Variants in DACH1 observed in about 807,000 individuals in gnomAD.
DACH1 encodes dachshund homolog 1.
DACH1 carries 12 observed loss-of-function variants against 54.2 expected under a neutral mutation model. The observed-to-expected ratio is 0.22, with a 90% CI of 0.14 to 0.36. The LOEUF is 0.36. Among genes scored for constraint, DACH1 ranks in the 10% least tolerant of loss-of-function variants. The probability of loss-of-function intolerance (pLI) is 1.00; values close to 1 mark genes in which losing one functional copy is unlikely to be tolerated. For missense variants in DACH1, 805 were observed against 929.8 expected (o/e 0.87, Z 1.75); for synonymous variants, 386 against 366.2 (o/e 1.05, Z -0.62).
chr13:71,726,746 G>A (rs775842526), intron 1 of DACH1, among the ~76,000 whole-genome samples: 2 of 151,804 alleles, frequency 1.3e-5, no homozygotes, highest in Non-Finnish European at 2.9e-5. Context: ...CAATGGTTAG[G>A]AAGACTTTAT....
intron 10 of DACH1, among the ~76,000 whole-genome samples, chr13:71,451,035 A>C (rs1016585264): frequency 6.6e-6 from 1 of 152,114 alleles, no homozygotes; most frequent in Admixed American, 6.5e-5. Context: ...AGCAAAATTA[A>C]CAAAAAATTA....
intron 5 of DACH1, among the ~76,000 whole-genome samples, chr13:71,558,662 G>C (rs932943482): frequency 1.3e-5 from 2 of 151,812 alleles, no homozygotes; most frequent in African/African-American, 2.4e-5. Flanking sequence ...TTTGAAAACT[G>C]TTTTAAAATT....
At chr13:71,483,060 C>T (rs1878185643) in intron 7 of DACH1, among the ~76,000 whole-genome samples, 1 of 151,896 alleles carries the variant, frequency 6.6e-6, no homozygotes, top group Non-Finnish European at 1.5e-5. Flanking sequence ...ACCTCAGCAT[C>T]CCAAAGTGCT....
At chr13:71,686,642 T>C (rs1025840409) in intron 1 of DACH1, among the ~76,000 whole-genome samples, 2 of 152,238 alleles carry the variant, frequency 1.3e-5, no homozygotes, top group Non-Finnish European at 2.9e-5. Context: ...TTTGTGGACA[T>C]CATCTTTTGT....
At chr13:71,510,851 C>T (rs1217976590) in intron 6 of DACH1, among the ~76,000 whole-genome samples, 1 of 151,774 alleles carries the variant, frequency 6.6e-6, no homozygotes, top group African/African-American at 2.4e-5. Context: ...ACTTTTATCT[C>T]TATACTAGAT....
At chr13:71,647,569 T>C (rs983064868) in intron 2 of DACH1, among the ~76,000 whole-genome samples, 3 of 152,202 alleles carry the variant, frequency 2.0e-5, no homozygotes, top group Admixed American at 2.0e-4. Context: ...AGGCTCTAAC[T>C]GGTCAAACTG....
At chr13:71,749,699 A>T (rs568539934) in intron 1 of DACH1, among the ~76,000 whole-genome samples, 91 of 152,350 alleles carry the variant, frequency 6.0e-4, no homozygotes, top group Admixed American at 9.2e-4. Flanking sequence ...AAATGTTAAT[A>T]TTGTAGAGAG....
At chr13:71,499,885 T>C (rs1454951032) in intron 6 of DACH1, among the ~76,000 whole-genome samples, 2 of 152,120 alleles carry the variant, frequency 1.3e-5, no homozygotes, top group African/African-American at 4.8e-5. Context: ...CACTCCCTTT[T>C]AAAACAAATT....
At chr13:71,494,032 T>C (rs895967963) in intron 6 of DACH1, among the ~76,000 whole-genome samples, 1 of 152,128 alleles carries the variant, frequency 6.6e-6, no homozygotes, top group African/African-American at 2.4e-5. Flanking sequence ...GCACTCCCAA[T>C]ACCTTTGATG....
rs777988022 is a variant in DACH1, at chr13:71,748,962, TTCTCTC to T, written c.849-67058_849-67053del. On this transcript the variant is annotated intron_variant, in intron 1 of 10. Transcript: ENST00000613252. ...TTTCTTTCTTTCTTTCTCTCTTTCT[TTCTCTC>T]TCTCTCTTTCTTCTTTCCTTTTATT... Among the ~76,000 whole-genome samples, 10 of 66,982 alleles carry T rather than the reference TTCTCTC, an allele frequency of 1.5e-4. 1 individual carries two copies. The highest frequency in any genetic ancestry group is 3.1e-4 in the Admixed American group (2 of 6,498). The allele number at this position is 66,982 out of a possible 152,430, so 43.9% of individuals were successfully genotyped here.
chr13:71,703,568 A>G (rs1882272643), intron 1 of DACH1, among the ~76,000 whole-genome samples: 1 of 152,236 alleles, frequency 6.6e-6, no homozygotes, highest in Non-Finnish European at 1.5e-5. Flanking sequence ...CATAAATAAC[A>G]TAATTATTTT....
rs536744724 is a variant in DACH1 at position 71,512,668 on chromosome 13, C to A, written c.1571-23520G>T. On this transcript the variant is annotated intron_variant, in intron 6 of 10. Coordinates refer to ENST00000613252, the MANE Select transcript of DACH1 (RefSeq NM_080759.6). ...TGTCAGATCCTGAACATATCAAACT[C>A]CTGTATGAATAAATGTTAATGTATT... Among the ~76,000 whole-genome samples, 46 of 151,930 alleles carry A rather than the reference C, an allele frequency of 3.0e-4. 2 individuals carry two copies. In the South Asian group the frequency reaches 9.3e-3, roughly 31 times the overall value.
intron 1 of DACH1, among the ~76,000 whole-genome samples, chr13:71,790,307 C>T (rs1425939787): frequency 6.6e-6 from 1 of 152,032 alleles, no homozygotes; most frequent in African/African-American, 2.4e-5. Context: ...TTGCTTAATG[C>T]ATGATAGTTT....
chr13:71,658,531 T>G (rs1566412378), intron 2 of DACH1, among the ~76,000 whole-genome samples: 1 of 152,008 alleles, frequency 6.6e-6, no homozygotes, highest in Non-Finnish European at 1.5e-5. Flanking sequence ...GCCTGGGCAA[T>G]AAGAGCGAAA....
intron 1 of DACH1, among the ~76,000 whole-genome samples, chr13:71,829,201 C>A (rs1292500772): frequency 6.6e-6 from 1 of 151,840 alleles, no homozygotes; most frequent in Non-Finnish European, 1.5e-5. Context: ...TCTCCATCTA[C>A]AAATCACATA....
chr13:71,705,235 C>G (rs1882376586), intron 1 of DACH1, among the ~76,000 whole-genome samples: 1 of 152,168 alleles, frequency 6.6e-6, no homozygotes, highest in South Asian at 2.1e-4. Flanking sequence ...CTTCGTTTTC[C>G]TCTAGTAATA....
At chr13:71,807,086 C>T (rs1887532812) in intron 1 of DACH1, among the ~76,000 whole-genome samples, 1 of 152,116 alleles carries the variant, frequency 6.6e-6, no homozygotes. Context: ...GAACTTCTGG[C>T]ACTTTGCAGT....
chr13:71,766,063 T>G (rs1885614566), intron 1 of DACH1, among the ~76,000 whole-genome samples: 1 of 152,068 alleles, frequency 6.6e-6, no homozygotes, highest in South Asian at 2.1e-4. Flanking sequence ...ATTTTTTGTA[T>G]TTTTAGTAGA....
At chr13:71,574,912 T>C (rs771367541) in intron 3 of DACH1, among the ~76,000 whole-genome samples, 6 of 152,048 alleles carry the variant, frequency 3.9e-5, no homozygotes, top group African/African-American at 7.2e-5. Flanking sequence ...ACCTTACTTC[T>C]GTTCTCATAA....
Sources: allele counts gnomAD v4.1 joint callset (sites outside exome capture counted in the v4.1 genomes callset), GRCh38; gene constraint gnomAD v4.1.1; transcripts MANE v1.5; gene names NCBI Gene and HGNC (gene_info 2026-07-23, HGNC 2026-07-21).